Variants in BORCS5 observed in about 807,000 individuals in gnomAD.
BORCS5 encodes the protein BLOC-1 related complex subunit 5, also known as BLOC-1-related complex subunit 5.
BORCS5 carries 17 observed loss-of-function variants against 22.1 expected under a neutral mutation model. The ratio of observed to expected loss-of-function variants is 0.77; its 90% CI spans 0.53 to 1.15. The LOEUF (loss-of-function observed/expected upper bound fraction) is 1.15, where lower values mean the gene tolerates loss of function less well. BORCS5 is among the 50% of genes most tolerant of loss of function. The pLI, the probability that BORCS5 is intolerant of heterozygous loss-of-function variation, is 0.00. For missense variants in BORCS5, 247 were observed against 253.2 expected (o/e 0.98, Z 0.17); for synonymous variants, 117 against 99.8 (o/e 1.17, Z -1.03).
intron 2 of BORCS5, among the ~76,000 whole-genome samples, chr12:12,373,486 C>A (rs988309468): frequency 6.6e-6 from 1 of 152,122 alleles, no homozygotes; most frequent in Non-Finnish European, 1.5e-5. Context: ...ATGAGTGTTT[C>A]ATATATTTTT....
intron 2 of BORCS5, among the ~76,000 whole-genome samples, chr12:12,408,385 A>G (rs1470635299): frequency 6.6e-6 from 1 of 152,238 alleles, no homozygotes; most frequent in African/African-American, 2.4e-5. Context: ...ATTACCCACA[A>G]TGTGGTAAAA....
chr12:12,428,230 G>A (rs1942337044), intron 2 of BORCS5, among the ~76,000 whole-genome samples: 2 of 152,206 alleles, frequency 1.3e-5, no homozygotes. Flanking sequence ...GTGCTATAGA[G>A]AAACTGTGGG....
At chr12:12,373,203 T>C (rs1863568876) in intron 2 of BORCS5, among the ~76,000 whole-genome samples, 1 of 152,214 alleles carries the variant, frequency 6.6e-6, no homozygotes, top group African/African-American at 2.4e-5. Context: ...AGACAGCCAT[T>C]TGCAAACCAG....
At chr12:12,363,462 C>T (rs539134443) in intron 2 of BORCS5, among the ~76,000 whole-genome samples, 19 of 151,874 alleles carry the variant, frequency 1.3e-4, no homozygotes, top group Admixed American at 3.3e-4. Context: ...TTAGGCCGGG[C>T]GCAGTGGCTT....
chr12:12,372,828 A>T (rs1863559788), intron 2 of BORCS5, among the ~76,000 whole-genome samples: 1 of 152,136 alleles, frequency 6.6e-6, no homozygotes, highest in South Asian at 2.1e-4. Context: ...AAATTTACAG[A>T]TGATGTTTTC....
At position 12,410,688 on chromosome 12, in the gene BORCS5, T is replaced by C. The variant is rs906270796; in HGVS notation, c.203-24940T>C. On this transcript the variant is annotated intron_variant, in intron 2 of 3. Coordinates refer to ENST00000314565, the MANE Select transcript of BORCS5 (RefSeq NM_058169.6). Reference sequence around the variant, plus strand: ...TGCCTCCAGCTTTGTTCTTTTGGCTTAGGATTGACTTGGCAACACGGGCTC... The same window carrying C: ...TGCCTCCAGCTTTGTTCTTTTGGCTCAGGATTGACTTGGCAACACGGGCTC... Among the ~76,000 whole-genome samples, 22 of 152,216 alleles carry C rather than the reference T, an allele frequency of 1.4e-4. No individual in the cohort carries two copies. The South Asian group carries it at 3.7e-3, about 26-fold the overall frequency.
intron 2 of BORCS5, among the ~76,000 whole-genome samples, chr12:12,392,931 T>C (rs1941234013): frequency 6.6e-6 from 1 of 151,998 alleles, no homozygotes; most frequent in Admixed American, 6.6e-5. Context: ...TCAAATCTCC[T>C]TCATAAAAAA....
intron 2 of BORCS5, among the ~76,000 whole-genome samples, chr12:12,419,680 G>A (rs576864882): frequency 2.1e-4 from 32 of 152,260 alleles, no homozygotes; most frequent in African/African-American, 6.3e-4. Flanking sequence ...AAGTGTTCCT[G>A]TTTCTCCGCA....
At chr12:12,430,192 C>T (rs1319496038) in intron 2 of BORCS5, among the ~76,000 whole-genome samples, 6 of 122,456 alleles carry the variant, frequency 4.9e-5, no homozygotes, top group Non-Finnish European at 9.7e-5. Context: ...GCTCTGTCAC[C>T]CAGGCTGGAG....
chr12:12,433,153 G>T (rs563591467), intron 2 of BORCS5, among the ~76,000 whole-genome samples: 10 of 152,042 alleles, frequency 6.6e-5, no homozygotes, highest in African/African-American at 2.4e-4. Context: ...GGCCAACATG[G>T]TGAAACCCTG....
intron 2 of BORCS5, among the ~76,000 whole-genome samples, chr12:12,397,547 A>G (rs1043730772): frequency 6.6e-6 from 1 of 152,160 alleles, no homozygotes; most frequent in Non-Finnish European, 1.5e-5. Flanking sequence ...TGTACCTTTT[A>G]ATTAACAGAG....
intron 2 of BORCS5, among the ~76,000 whole-genome samples, chr12:12,418,454 G>T (rs1003871083): frequency 3.3e-5 from 5 of 152,130 alleles, no homozygotes; most frequent in African/African-American, 1.2e-4. Context: ...GAGAGGCTGA[G>T]ACAGGAGGAT....
intron 2 of BORCS5, among the ~76,000 whole-genome samples, chr12:12,418,592 C>T (rs143496935): frequency 1.8e-4 from 28 of 152,238 alleles, no homozygotes; most frequent in Admixed American, 2.6e-4. Flanking sequence ...GAGTCTAAGG[C>T]AGGAGGATTG....
At chr12:12,415,722 G>C (rs553531851) in intron 2 of BORCS5, among the ~76,000 whole-genome samples, 18 of 151,976 alleles carry the variant, frequency 1.2e-4, no homozygotes, top group Admixed American at 4.6e-4. Flanking sequence ...TCCTGAATTT[G>C]GTTTACTAGG....
intron 1 of BORCS5, 118 bp downstream of exon 1, chr12:12,357,627 T>A: frequency 9.2e-7 from 1 of 1,081,918 alleles, no homozygotes; most frequent in Non-Finnish European, 1.3e-6. Flanking sequence ...GCCTTCACCG[T>A]GCTAGTAGGA....
At position 12,466,701 on chromosome 12, in the gene BORCS5, G is replaced by A. The variant is rs1330931696; in HGVS notation, c.*925G>A. 1 of 152,280 alleles carries A rather than the reference G, an allele frequency of 6.6e-6. No individual in the cohort carries two copies. The highest frequency in any genetic ancestry group is 1.5e-5 in the Non-Finnish European group (1 of 68,094). The allele number at this position is 152,280 out of a possible 1,614,324, so 9.4% of individuals were successfully genotyped here. ...TGTTCTAATGGAAGCAAGGACTGGA[G>A]AAGCAAAGAGTGGAATGTGAGGAGC... On this transcript the variant is annotated 3_prime_UTR_variant, in exon 4 of 4. Transcript: ENST00000314565.
intron 2 of BORCS5, among the ~76,000 whole-genome samples, chr12:12,404,916 G>T (rs988433842): frequency 4.6e-5 from 7 of 152,030 alleles, no homozygotes; most frequent in Non-Finnish European, 1.0e-4. Context: ...GGCCAGGCTG[G>T]TCTCAAACTC....
At chr12:12,421,943 T>A (rs1017667026) in intron 2 of BORCS5, among the ~76,000 whole-genome samples, 26 of 152,204 alleles carry the variant, frequency 1.7e-4, no homozygotes, top group African/African-American at 6.3e-4. Flanking sequence ...CTTCTCTCTT[T>A]TCTTCTTTGT....
intron 2 of BORCS5, among the ~76,000 whole-genome samples, chr12:12,429,154 A>T (rs1942359933): frequency 6.6e-6 from 1 of 152,224 alleles, no homozygotes; most frequent in Non-Finnish European, 1.5e-5. Flanking sequence ...CTCATTCAGA[A>T]TGAAACACTT....
Sources: allele counts gnomAD v4.1 joint callset (sites outside exome capture counted in the v4.1 genomes callset), GRCh38; gene constraint gnomAD v4.1.1; transcripts MANE v1.5; gene names NCBI Gene and HGNC (gene_info 2026-07-23, HGNC 2026-07-21).